CTNNA3: variants seen among roughly 807,000 people sequenced by gnomAD.
CTNNA3 encodes the protein catenin alpha-3.
Under a neutral mutation model 95.7 loss-of-function variants are expected in CTNNA3, and 76 were observed. The observed-to-expected ratio is 0.79, with a 90% CI of 0.66 to 0.96. The LOEUF (loss-of-function observed/expected upper bound fraction) is 0.96, where lower values mean the gene tolerates loss of function less well. Among genes scored for constraint, CTNNA3 ranks in the 40% least tolerant of loss-of-function variants. The pLI is 0.00. For synonymous variants in CTNNA3, 431 were observed against 374.4 expected, an observed-to-expected ratio of 1.15 and a Z score of -1.74; for missense variants, 1,191 against 1,089.8, an observed-to-expected ratio of 1.09 and a Z score of -1.31.
intron 16 of CTNNA3, among the ~76,000 whole-genome samples, chr10:65,977,204 T>A (rs1049699900): frequency 2.0e-5 from 3 of 151,436 alleles, no homozygotes; most frequent in South Asian, 2.1e-4. Context: ...GATTTTTTTT[T>A]AAATCTAAGT....
At chr10:67,605,860 G>A (rs1367505007) in intron 3 of CTNNA3, among the ~76,000 whole-genome samples, 8 of 152,006 alleles carry the variant, frequency 5.3e-5, no homozygotes. Flanking sequence ...TAGTAGAGAT[G>A]GGGTTTCACC....
chr10:67,173,779 TA>T (rs1293992618), intron 7 of CTNNA3, among the ~76,000 whole-genome samples: 2 of 152,208 alleles, frequency 1.3e-5, no homozygotes, highest in African/African-American at 4.8e-5. Context: ...AGTTTAATGT[TA>T]AAAAACCATA....
At chr10:66,831,183 G>A (rs1320040731) in intron 7 of CTNNA3, among the ~76,000 whole-genome samples, 3 of 151,906 alleles carry the variant, frequency 2.0e-5, no homozygotes, top group Admixed American at 1.3e-4. Flanking sequence ...GAAAAACAAT[G>A]GTCTTTTTAA....
chr10:66,614,493 C>T (rs921893932), intron 10 of CTNNA3, among the ~76,000 whole-genome samples: 1 of 151,844 alleles, frequency 6.6e-6, no homozygotes, highest in African/African-American at 2.4e-5. Flanking sequence ...ATGCCCTAGC[C>T]CAAATACTTT....
At chr10:67,558,805 G>T (rs1008543940) in intron 3 of CTNNA3, among the ~76,000 whole-genome samples, 3 of 152,338 alleles carry the variant, frequency 2.0e-5, no homozygotes, top group African/African-American at 7.2e-5. Context: ...TTTTCCAACG[G>T]GCTTAAAAAA....
At chr10:66,899,571 G>A (rs965921321) in intron 7 of CTNNA3, among the ~76,000 whole-genome samples, 7 of 152,130 alleles carry the variant, frequency 4.6e-5, no homozygotes, top group African/African-American at 1.7e-4. Flanking sequence ...GGAAGTGCAA[G>A]GGTTCGGAGG....
chr10:66,792,536 T>C (rs1181413668), intron 7 of CTNNA3, among the ~76,000 whole-genome samples: 1 of 152,022 alleles, frequency 6.6e-6, no homozygotes, highest in Non-Finnish European at 1.5e-5. Flanking sequence ...GGATGTAGAG[T>C]AAGTGGAATA....
At position 66,593,638 on chromosome 10, in the gene CTNNA3, A is replaced by G. The variant is rs557922076; in HGVS notation, c.1374+28054T>C. On this transcript the variant is annotated intron_variant, in intron 10 of 17. Transcript: ENST00000433211. Reference sequence around the variant, plus strand: ...TTAGCATACAGAGCCGTAATTGCCAAAGTCACATTGAATCAAAGTGTTTTT... The same window carrying G: ...TTAGCATACAGAGCCGTAATTGCCAGAGTCACATTGAATCAAAGTGTTTTT... Among the ~76,000 whole-genome samples the G allele has an allele frequency of 4.6e-5, 7 of 152,198 alleles. No individual in the cohort carries two copies. In the South Asian group the frequency reaches 1.0e-3, roughly 23 times the overall value.
chr10:67,497,908 C>T (rs555136931), intron 5 of CTNNA3, among the ~76,000 whole-genome samples: 1 of 152,294 alleles, frequency 6.6e-6, no homozygotes, highest in South Asian at 2.1e-4. Context: ...ATAATAGTTT[C>T]TTTTGCTGTG....
At chr10:66,777,762 T>TACACAC (rs372712619) in intron 7 of CTNNA3, among the ~76,000 whole-genome samples, 1,682 of 136,924 alleles carry the variant, frequency 0.012, 27 homozygotes, top group African/African-American at 0.031. Flanking sequence ...AGAGACCTCC[T>TACACAC]ACACACACAC....
chr10:66,507,638 T>C (rs1177229767), intron 11 of CTNNA3, among the ~76,000 whole-genome samples: 5 of 152,136 alleles, frequency 3.3e-5, no homozygotes, highest in African/African-American at 4.8e-5. Context: ...CTTAACATAA[T>C]GTCCTCCAGG....
chr10:67,021,339 A>C (rs1853002404), intron 7 of CTNNA3, among the ~76,000 whole-genome samples: 2 of 152,166 alleles, frequency 1.3e-5, no homozygotes, highest in African/African-American at 4.8e-5. Context: ...TGTAAGAAGC[A>C]CTTGTATACA....
intron 9 of CTNNA3, among the ~76,000 whole-genome samples, chr10:66,720,624 G>T (rs1262277855): frequency 6.6e-6 from 1 of 152,080 alleles, no homozygotes; most frequent in Non-Finnish European, 1.5e-5. Context: ...CCTGAGGTCA[G>T]GAGTTCGAGA....
chr10:65,934,296 T>C (rs577600380), intron 17 of CTNNA3, among the ~76,000 whole-genome samples: 1 of 152,268 alleles, frequency 6.6e-6, no homozygotes, highest in South Asian at 2.1e-4. Flanking sequence ...ATTCTAACCA[T>C]CTTGGTAACT....
intron 1 of CTNNA3, among the ~76,000 whole-genome samples, chr10:67,675,150 C>A (rs900668620): frequency 4.0e-5 from 6 of 151,892 alleles, no homozygotes; most frequent in Admixed American, 1.3e-4. Context: ...ATATCATTGA[C>A]CCTATTGGAT....
chr10:67,746,773 C>A (rs898403276), intron 1 of CTNNA3, among the ~76,000 whole-genome samples: 1 of 152,214 alleles, frequency 6.6e-6, no homozygotes, highest in Non-Finnish European at 1.5e-5. Flanking sequence ...TTCTCAATAG[C>A]CATTCAGCTG....
At position 66,012,789 on chromosome 10, in the gene CTNNA3, G is replaced by A. The variant is rs1446238476; in HGVS notation, c.2160-23992C>T. Among the ~76,000 whole-genome samples the A allele has an allele frequency of 2.6e-5, 4 of 152,194 alleles. No individual in the cohort carries two copies. In the East Asian group the frequency reaches 7.7e-4, roughly 29 times the overall value. The stretch of plus-strand genomic sequence containing the variant: ...TAGGGGCCCATAACTCCATGGGATA[G>A]TTTTCTTTTTGCTAGATTGACAGCT... On this transcript the variant is annotated intron_variant, in intron 15 of 17. Transcript: ENST00000433211.
intron 12 of CTNNA3, among the ~76,000 whole-genome samples, chr10:66,285,006 T>TC (rs2091560890): frequency 6.6e-6 from 1 of 151,884 alleles, no homozygotes; most frequent in East Asian, 1.9e-4. Context: ...ATATTATGTA[T>TC]CAAGAATATG....
chr10:67,002,074 GC>G (rs1476265768), intron 7 of CTNNA3, among the ~76,000 whole-genome samples: 1 of 152,104 alleles, frequency 6.6e-6, no homozygotes, highest in East Asian at 1.9e-4. Context: ...ACTTTTAGGA[GC>G]TCAGTTTCTT....
Sources: allele counts gnomAD v4.1 joint callset (sites outside exome capture counted in the v4.1 genomes callset), GRCh38; gene constraint gnomAD v4.1.1; transcripts MANE v1.5; gene names NCBI Gene and HGNC (gene_info 2026-07-23, HGNC 2026-07-21).